The following PORCN variants were observed in gnomAD, a reference collection of about 807,000 sequenced individuals.
PORCN encodes the protein protein-serine O-palmitoleoyltransferase porcupine.
PORCN carries 1 observed loss-of-function variant against 43.0 expected under a neutral mutation model. The observed-to-expected ratio is 0.02, with a 90% CI of 0.01 to 0.11. The LOEUF is 0.11. PORCN is among the 10% of genes least tolerant of loss of function. The pLI is 1.00. For synonymous variants in PORCN, 148 were observed against 166.4 expected (o/e 0.89, Z 0.85); for missense variants, 240 against 392.1 (o/e 0.61, Z 3.28).
In PORCN at chrX:48,512,379, C is replaced by T. The variant is rs781876014; in HGVS notation, c.427C>T (p.Arg143Trp). 2.6e-5 allele frequency: 31 copies of T among 1,211,720 alleles called. No individual in the cohort carries two copies. Among genetic ancestry groups the T allele is most frequent in the Non-Finnish European group, 2.9e-5 (26 of 895,416 alleles). The change falls in exon 5 of 15, where the codon CGG becomes TGG. Residue 143 changes from arginine to tryptophan, a missense_variant. Transcript: ENST00000326194. Reference protein sequence around the residue: ...KAVSLGFDLDRGEVGTVPSPV... With the variant: ...KAVSLGFDLDWGEVGTVPSPV... Reference sequence around the variant, plus strand: ...AGTGTCTCTGGGCTTCGACCTGGACCGGGGCGAGGTGGGTACGGTGCCCTC... The same window carrying T: ...AGTGTCTCTGGGCTTCGACCTGGACTGGGGCGAGGTGGGTACGGTGCCCTC...
At chrX:48,512,128 G>A (rs1251457977) in intron 4 of PORCN, 193 bp downstream of exon 4, 4 of 546,927 alleles carry the variant, frequency 7.3e-6, no homozygotes, top group East Asian at 3.6e-5. Flanking sequence ...TGTCTGTCTC[G>A]TGTCATGTAT....
At position 48,520,381 on chromosome X, in the gene PORCN, G is replaced by A. The variant is rs782065862; in HGVS notation, c.1291G>A (p.Gly431Ser). Residue 431 changes from glycine (G) to serine (S), a missense_variant, in exon 15 of 15, where the codon GGC becomes AGC. By Grantham distance (56) the Gly-to-Ser change is moderately conservative. Coordinates refer to ENST00000326194, the MANE Select transcript of PORCN (RefSeq NM_203475.3). Reference protein sequence around the residue: ...VDDTTEEQGYGMAYTVHKWSE... With the variant: ...VDDTTEEQGYSMAYTVHKWSE... ...ACCTCTTTCTCTCCCACAGGGCTAC[G>A]GCATGGCATACACTGTCCACAAGTG... 3.2e-5 allele frequency: 38 copies of A among 1,203,067 alleles called. No homozygotes were observed. Among genetic ancestry groups the A allele is most frequent in the East Asian group, 5.9e-5 (2 of 33,726 alleles).
rs190356970 is a variant in PORCN at position 48,513,557 on chromosome X, C to T, written c.705-570C>T. Among the ~76,000 whole-genome samples, 545 of 112,380 alleles carry T rather than the reference C, an allele frequency of 4.8e-3. 2 individuals are homozygous for T. The highest frequency in any genetic ancestry group is 0.016 in the African/African-American group (498 of 30,939). On this transcript the variant is annotated intron_variant, in intron 7 of 14. Coordinates refer to ENST00000326194, the MANE Select transcript of PORCN (RefSeq NM_203475.3). ...CCTGGCTGCTGATTAGGTCTAATGC[C>T]GAATGAGTCTCCAAAAGGTCAAGTG...
intron 10 of PORCN, chrX:48,515,508 G>A: frequency 2.2e-6 from 1 of 457,390 alleles, no homozygotes; most frequent in South Asian, 3.2e-5. Flanking sequence ...TGGAAACGTG[G>A]AGTTGACATT....
rs782324176 is a variant in PORCN, at chrX:48,509,956, G to A, written c.136G>A (p.Gly46Arg). 28 of 1,192,916 alleles carry A rather than the reference G, an allele frequency of 2.3e-5. No individual in the cohort carries two copies. Among genetic ancestry groups the A allele is most frequent in the Non-Finnish European group, 2.8e-5 (25 of 879,514 alleles). Residue 46 changes from glycine to arginine, a missense_variant and splice_region_variant, in exon 2 of 15, where the codon GGG becomes AGG. By Grantham distance (125) the Gly-to-Arg change is moderately radical (BLOSUM62 -2). Coordinates refer to ENST00000326194, the MANE Select transcript of PORCN (RefSeq NM_203475.3). ...CLACRLLWRL[G>R]LPSYLKHAST... is the part of the protein sequence containing the mutation. The stretch of plus-strand genomic sequence containing the variant: ...CGCCTGCCGCCTCCTCTGGAGGCTC[G>A]GTAAGTGCCTGCCATACCGTGTGCC...
At position 48,515,929 on chromosome X, in the gene PORCN, G is replaced by A; in HGVS notation, c.1063G>A (p.Ala355Thr). 8.3e-7 allele frequency: 1 copy of A among 1,211,440 alleles called. No homozygotes were observed. The highest frequency in any genetic ancestry group is 1.1e-6 in the Non-Finnish European group (1 of 895,341). The stretch of plus-strand genomic sequence containing the variant: ...CCTGGCTGCGGTCCTGCTGTCCCTG[G>A]CTTTTATCACTTACGTGGAGCATGG... ...FHLAAVLLSL[A>T]FITYVEHVLR... is the part of the protein sequence containing the mutation. The change falls in exon 12 of 15, where the codon GCT becomes ACT. Residue 355 changes from alanine (A) to threonine (T), a missense_variant. Coordinates refer to ENST00000326194, the MANE Select transcript of PORCN (RefSeq NM_203475.3).
chrX:48,520,750 T>C lies in PORCN; in HGVS notation c.*274T>C, dbSNP rs967214733. The stretch of plus-strand genomic sequence containing the variant: ...AGGGGAGATCCAGGGCCTCCCCGCC[T>C]TCCTTCTTCCTTTTTATATACAATT... On this transcript the variant is annotated 3_prime_UTR_variant, in exon 15 of 15. Transcript: ENST00000326194. The C allele has an allele frequency of 7.7e-6, 3 of 391,547 alleles. No homozygotes were observed. In the East Asian group the frequency reaches 1.3e-4, roughly 17 times the overall value. 32.3% of individuals were successfully genotyped at this position (391,547 alleles called of 1,213,427 possible).
chrX:48,517,438 T>C, intron 14 of PORCN, 145 bp downstream of exon 14: 1 of 473,477 alleles, frequency 2.1e-6, no homozygotes, highest in East Asian at 3.7e-5. Flanking sequence ...CCTCGGTCCT[T>C]TCCCATAGTC....
At chrX:48,518,070 G>A (rs369171966) in intron 14 of PORCN, among the ~76,000 whole-genome samples, 11 of 108,723 alleles carry the variant, frequency 1.0e-4, no homozygotes, top group South Asian at 4.0e-4. Flanking sequence ...CACTAAGCCC[G>A]GCTAATGTTT....
chrX:48,515,493 G>T (rs1404454384), intron 10 of PORCN: 1 of 445,003 alleles, frequency 2.2e-6, no homozygotes, highest in Non-Finnish European at 3.9e-6. Flanking sequence ...TTTGCCCTGA[G>T]GAACTGGAAA....
intron 10 of PORCN, chrX:48,515,315 A>T: frequency 3.8e-6 from 1 of 265,265 alleles, no homozygotes; most frequent in Non-Finnish European, 6.9e-6. Context: ...TCGAGGATGC[A>T]GCAGTGAGGA....
rs1556974149 is a variant in PORCN at position 48,512,444 on chromosome X, C to T, written c.492C>T (p.Thr164=). The T allele has an allele frequency of 3.3e-6, 4 of 1,210,267 alleles. No individual in the cohort carries two copies. In the Admixed American group the frequency reaches 8.7e-5, roughly 26 times the overall value. ...TGGGCTACCTCTACTTCGTGGGCACCATCGTCTTCGGGCCCTGGATATCCT... is the reference window on the plus strand; with the variant it reads ...TGGGCTACCTCTACTTCGTGGGCACTATCGTCTTCGGGCCCTGGATATCCT... The part of the protein sequence containing the change: ...EFMGYLYFVG[T]IVFGPWISFH... The change falls in exon 5 of 15, where the codon ACC becomes ACT. Residue 164 remains threonine, a synonymous_variant. Transcript: ENST00000326194.
rs1556974642 is a variant in PORCN at position 48,514,223 on chromosome X, T to C, written c.720-17T>C. 8.2e-7 allele frequency: 1 copy of C among 1,212,189 alleles called. No homozygotes were observed. Among genetic ancestry groups the C allele is most frequent in the Non-Finnish European group, 1.1e-6 (1 of 895,578 alleles). ...ACCTGAACGTGATGCCTCTCACCCC[T>C]GCCCCTTTCTCCCCAGGTGGCTGCG... On this transcript the variant is annotated splice_polypyrimidine_tract_variant and intron_variant, in intron 8 of 14. Coordinates refer to ENST00000326194, the MANE Select transcript of PORCN (RefSeq NM_203475.3).
At chrX:48,510,679 G>A (rs1261027706) in intron 2 of PORCN, among the ~76,000 whole-genome samples, 1 of 111,822 alleles carries the variant, frequency 8.9e-6, no homozygotes, top group African/African-American at 3.3e-5. Flanking sequence ...ATAGTACAGT[G>A]AGCACCCACG....
chrX:48,511,212 C>G, intron 2 of PORCN, 83 bp from the exon 3 acceptor site: 3 of 392,742 alleles, frequency 7.6e-6, no homozygotes, highest in Non-Finnish European at 9.8e-6. Context: ...CTCTCTCCCT[C>G]CCTCCCTCCC....
Position 48,511,197 on chromosome X carries a change from CCTCT to C in PORCN, c.137-90_137-87del. ...CACCAACCTTCTCTTTCTTGTTCTC[CCTCT>C]CTCTCTCCCTCCCTCCCTCCCTTCC... On this transcript the variant is annotated intron_variant, in intron 2 of 14. Transcript: ENST00000326194. 4 of 657,019 alleles carry C rather than the reference CCTCT, an allele frequency of 6.1e-6. No individual in the cohort carries two copies. The African/African-American group carries it at 8.8e-5, about 14-fold the overall frequency. 54.1% of individuals were successfully genotyped at this position (657,019 alleles called of 1,213,427 possible). A position where few individuals can be genotyped will look rare whatever the true frequency, so the allele number is the denominator to read the frequency against.
rs1466714216 is a variant in PORCN at position 48,517,216 on chromosome X, G to A, written c.1207G>A (p.Gly403Arg). 6 of 1,169,493 alleles carry A rather than the reference G, an allele frequency of 5.1e-6. No homozygotes were observed. The highest frequency in any genetic ancestry group is 6.9e-6 in the Non-Finnish European group (6 of 874,051). ...LGVRALNLLF[G>R]ALAIFHLAYL... ...GGTGCGAGCCTTAAACTTGCTCTTT[G>A]GAGCTCTGGCCATCTTCCACCTGGC... Residue 403 changes from glycine (G) to arginine (R), a missense_variant, in exon 14 of 15, where the codon GGA becomes AGA. Coordinates refer to ENST00000326194, the MANE Select transcript of PORCN (RefSeq NM_203475.3).
intron 6 of PORCN, 57 bp downstream of exon 6, chrX:48,512,776 CG>C: frequency 8.3e-7 from 1 of 1,211,986 alleles, no homozygotes; most frequent in Non-Finnish European, 1.1e-6. Context: ...TAGGGACCCG[CG>C]GTTTCCCCAG....
chrX:48,511,830 G>A, intron 3 of PORCN, 62 bp from the exon 4 acceptor site: 1 of 1,070,609 alleles, frequency 9.3e-7, no homozygotes, highest in South Asian at 1.9e-5. Context: ...CCCTTCCCCT[G>A]TCCCCCATGG....
Sources: gnomAD v4.1 joint callset for allele counts (sites outside exome capture counted in the v4.1 genomes callset) on GRCh38, gnomAD v4.1.1 for gene constraint, MANE v1.5 for transcripts, NCBI Gene and HGNC (gene_info 2026-07-23, HGNC 2026-07-21) for gene names.